The following MAP4K4 variants were observed in gnomAD, a reference collection of about 807,000 sequenced individuals.
The protein encoded by MAP4K4 is HPK/GCK-like kinase HGK.
In MAP4K4, 38 loss-of-function variants were observed where a neutral mutation model predicts 189.6. The observed-to-expected ratio is 0.20, with a 90% CI of 0.15 to 0.26. The LOEUF (loss-of-function observed/expected upper bound fraction) is 0.26, where lower values mean the gene tolerates loss of function less well. MAP4K4 is among the 10% of genes least tolerant of loss of function. The pLI, the probability that MAP4K4 is intolerant of heterozygous loss-of-function variation, is 1.00. For missense variants in MAP4K4, 1,054 were observed against 1,726.9 expected (o/e 0.61, Z 6.91); for synonymous variants, 610 against 624.3 (o/e 0.98, Z 0.34).
At chr2:101,840,222 T>G (rs2096874458) in intron 10 of MAP4K4, among the ~76,000 whole-genome samples, 1 of 152,110 alleles carries the variant, frequency 6.6e-6, no homozygotes, top group South Asian at 2.1e-4. Context: ...AGATCGGCAT[T>G]GCGATGGGAT....
rs541491062 is a variant in MAP4K4, at chr2:101,889,833, C to G, written c.4071+898C>G. Among the ~76,000 whole-genome samples the G allele has an allele frequency of 2.6e-5, 4 of 152,166 alleles. No homozygotes were observed. The East Asian group carries it at 7.7e-4, about 29-fold the overall frequency. On this transcript the variant is annotated intron_variant, in intron 32 of 32. Coordinates refer to ENST00000324219, the Ensembl canonical transcript of MAP4K4. ...AAGAAAGAAGAAGCTACACATATGTCCTTGGCAGCTGGTCCTGCTTGCCCG... is the reference window on the plus strand; with the variant it reads ...AAGAAAGAAGAAGCTACACATATGTGCTTGGCAGCTGGTCCTGCTTGCCCG...
chr2:101,804,200 G>A (rs1010499557), intron 3 of MAP4K4, among the ~76,000 whole-genome samples: 6 of 152,170 alleles, frequency 3.9e-5, no homozygotes, highest in African/African-American at 1.4e-4. Flanking sequence ...AGGGAACCCA[G>A]ATTATATTTT....
At chr2:101,748,791 G>T in intron 2 of MAP4K4, among the ~76,000 whole-genome samples, 1 of 151,142 alleles carries the variant, frequency 6.6e-6, no homozygotes, top group Non-Finnish European at 1.5e-5. Flanking sequence ...TCCTTAAGCT[G>T]ATAAGCAACT....
At chr2:101,747,368 C>T (rs1427149330) in intron 2 of MAP4K4, among the ~76,000 whole-genome samples, 1 of 152,092 alleles carries the variant, frequency 6.6e-6, no homozygotes, top group Non-Finnish European at 1.5e-5. Context: ...GTAGGCCCGC[C>T]TAGGCCTCCA....
intron 21 of MAP4K4, among the ~76,000 whole-genome samples, 179 bp from the exon 22 acceptor site, chr2:101,869,443 C>T (rs1240796897): frequency 1.3e-5 from 2 of 149,518 alleles, no homozygotes; most frequent in Non-Finnish European, 3.0e-5. Flanking sequence ...TAATCTCTCT[C>T]TTGACTTTAT....
At chr2:101,837,964 C>T (rs2096809364) in intron 9 of MAP4K4, among the ~76,000 whole-genome samples, 1 of 152,082 alleles carries the variant, frequency 6.6e-6, no homozygotes, top group Non-Finnish European at 1.5e-5. Flanking sequence ...CTAATGTTAC[C>T]CAAGTGTTCT....
At chr2:101,844,675 C>CCCAA (rs2097034564) in intron 12 of MAP4K4, among the ~76,000 whole-genome samples, 1 of 152,086 alleles carries the variant, frequency 6.6e-6, no homozygotes, top group Non-Finnish European at 1.5e-5. Context: ...GATTGCTTTT[C>CCCAA]TACTCTCAGC....
chr2:101,799,782 T>C (rs1174670527), intron 3 of MAP4K4, among the ~76,000 whole-genome samples: 1 of 152,134 alleles, frequency 6.6e-6, no homozygotes, highest in African/African-American at 2.4e-5. Context: ...TTAAAATTTT[T>C]CGTAGAGACG....
intron 27 of MAP4K4, among the ~76,000 whole-genome samples, chr2:101,878,029 A>G (rs767197007): frequency 2.0e-5 from 3 of 152,206 alleles, no homozygotes; most frequent in East Asian, 1.9e-4. Context: ...GATTATAGGC[A>G]TGAGCCACTG....
At chr2:101,725,387 C>CAAAAAAAAAAAAAAAAA (rs547130880) in intron 2 of MAP4K4, among the ~76,000 whole-genome samples, 1 of 110,944 alleles carries the variant, frequency 9.0e-6, no homozygotes, top group African/African-American at 3.3e-5. Context: ...AAAAGATAAG[C>CAAAAAAAAAAAAAAAAA]AAAAAAAAAA....
intron 2 of MAP4K4, among the ~76,000 whole-genome samples, chr2:101,719,881 G>A (rs1225050763): frequency 6.6e-6 from 1 of 151,834 alleles, no homozygotes; most frequent in Non-Finnish European, 1.5e-5. Context: ...GCGTGGTGGC[G>A]GGCGCCTGTA....
intron 2 of MAP4K4, among the ~76,000 whole-genome samples, chr2:101,762,998 T>C (rs1558797159): frequency 6.6e-6 from 1 of 152,154 alleles, no homozygotes; most frequent in Non-Finnish European, 1.5e-5. Flanking sequence ...TAGCTAGACC[T>C]GAGGAATGTG....
intron 2 of MAP4K4, among the ~76,000 whole-genome samples, chr2:101,734,586 G>A (rs1293657699): frequency 1.6e-5 from 1 of 63,928 alleles, no homozygotes; most frequent in Non-Finnish European, 2.8e-5. Context: ...ATTTACCCGC[G>A]CACACAATCA....
At chr2:101,745,448 A>AAG (rs34555135) in intron 2 of MAP4K4, among the ~76,000 whole-genome samples, 35,532 of 147,242 alleles carry the variant, frequency 0.24, 5,189 homozygotes, top group East Asian at 0.48. Context: ...TAAAAAAAAA[A>AAG]AAAAAAAAAA....
chr2:101,729,134 T>A (rs1283967250), intron 2 of MAP4K4, among the ~76,000 whole-genome samples: 1 of 78,144 alleles, frequency 1.3e-5, no homozygotes, highest in Non-Finnish European at 2.8e-5. Context: ...GTGTGTGTCC[T>A]GTTCCCACTC....
chr2:101,773,568 A>G (rs748856807), intron 2 of MAP4K4, among the ~76,000 whole-genome samples: 1 of 152,188 alleles, frequency 6.6e-6, no homozygotes. Flanking sequence ...CCATCCCCTC[A>G]TGCATTTATC....
intron 27 of MAP4K4, among the ~76,000 whole-genome samples, chr2:101,881,226 A>G (rs956948063): frequency 6.6e-6 from 1 of 152,128 alleles, no homozygotes; most frequent in Non-Finnish European, 1.5e-5. Flanking sequence ...TTGTTTTTTT[A>G]AGTACTAGTA....
intron 26 of MAP4K4, among the ~76,000 whole-genome samples, chr2:101,874,847 T>C (rs751759528): frequency 2.6e-5 from 4 of 152,238 alleles, no homozygotes; most frequent in Admixed American, 6.5e-5. Flanking sequence ...AGATAGAGTG[T>C]AAGTGCCACA....
At position 101,840,486 on chromosome 2, in the gene MAP4K4, G is replaced by A. The variant is rs578194526; in HGVS notation, c.949+492G>A. Among the ~76,000 whole-genome samples, 304 of 152,300 alleles carry A rather than the reference G, an allele frequency of 2.0e-3. 4 individuals are homozygous for A. Among genetic ancestry groups the A allele is most frequent in the Admixed American group, 0.019 (285 of 15,290 alleles). On this transcript the variant is annotated intron_variant, in intron 10 of 32. Coordinates refer to ENST00000324219, the Ensembl canonical transcript of MAP4K4. ...GCTTTAAGTAGCATGCATAACACAAGCATGCTGTTGTGCTAAATAATGAAG... is the reference window on the plus strand; with the variant it reads ...GCTTTAAGTAGCATGCATAACACAAACATGCTGTTGTGCTAAATAATGAAG...
Sources: gnomAD v4.1 joint callset for allele counts (sites outside exome capture counted in the v4.1 genomes callset) on GRCh38, gnomAD v4.1.1 for gene constraint, MANE v1.5 for transcripts, NCBI Gene and HGNC (gene_info 2026-07-23, HGNC 2026-07-21) for gene names.